RSPH9: variants seen among roughly 807,000 people sequenced by gnomAD.
The protein encoded by RSPH9 is radial spoke head component 9, also known as radial spoke head protein 9 homolog.
A neutral mutation model predicts 27.0 loss-of-function variants in RSPH9; 27 were observed. That is an observed-to-expected ratio of 1.00 (90% CI 0.74 to 1.38). The LOEUF is 1.38. Ranked by LOEUF, RSPH9 falls within the 40% of genes most tolerant of loss-of-function variation. The probability of loss-of-function intolerance (pLI) is 0.00; values close to 1 mark genes in which losing one functional copy is unlikely to be tolerated. For missense variants in RSPH9, 347 were observed against 357.4 expected (o/e 0.97, Z 0.24); for synonymous variants, 145 against 147.7 (o/e 0.98, Z 0.13).
At chr6:43,660,428 C>T (rs1162291233) in intron 4 of RSPH9, among the ~76,000 whole-genome samples, 1 of 151,922 alleles carries the variant, frequency 6.6e-6, no homozygotes, top group East Asian at 1.9e-4. Context: ...ACATTTTGAC[C>T]TCCTCCCATG....
chr6:43,660,833 C>G (rs6902166), intron 4 of RSPH9, among the ~76,000 whole-genome samples: 26,308 of 152,096 alleles, frequency 0.17, 5,134 homozygotes, highest in African/African-American at 0.49. Flanking sequence ...TTACTTTGCC[C>G]AGATCCATCA....
At chr6:43,656,516 A>G in intron 3 of RSPH9, 61 bp from the exon 4 acceptor site, 1 of 1,601,876 alleles carries the variant, frequency 6.2e-7, no homozygotes, top group Non-Finnish European at 8.6e-7. Context: ...CAGTGCAGAC[A>G]GAAAGGGGGC....
chr6:43,656,838 T>C, intron 4 of RSPH9, 115 bp downstream of exon 4: 2 of 1,226,074 alleles, frequency 1.6e-6, no homozygotes, highest in South Asian at 2.4e-5. Flanking sequence ...GAATTGGTGG[T>C]TCACCATGGG....
chr6:43,647,991 C>T lies in RSPH9; in HGVS notation c.228-2384C>T, dbSNP rs141393979. On this transcript the variant is annotated intron_variant, in intron 1 of 4. Coordinates refer to ENST00000372163, the MANE Select transcript of RSPH9 (RefSeq NM_152732.5). ...AGGGGATAGAGAATACAGGATGGGC[C>T]GGGCGCAGTGGCTCATGCCTGTAAT... 1.1e-3 allele frequency among the ~76,000 whole-genome samples: 171 copies of T among 152,216 alleles called. 1 individual carries two copies. The highest frequency in any genetic ancestry group is 1.9e-3 in the Non-Finnish European group (130 of 68,002).
intron 4 of RSPH9, among the ~76,000 whole-genome samples, chr6:43,661,918 C>T (rs1772673149): frequency 6.6e-6 from 1 of 152,150 alleles, no homozygotes; most frequent in African/African-American, 2.4e-5. Flanking sequence ...GACAGAGTCT[C>T]ACTCTGTTGC....
intron 3 of RSPH9, 22 bp downstream of exon 3, chr6:43,655,713 T>G (rs1322463459): frequency 9.9e-6 from 16 of 1,613,974 alleles, no homozygotes; most frequent in Non-Finnish European, 1.3e-5. Context: ...GGGGCCCCTC[T>G]CAAGGGCTGG....
chr6:43,668,562 G>GC (rs879272223), intron 4 of RSPH9, among the ~76,000 whole-genome samples: 4 of 152,148 alleles, frequency 2.6e-5, no homozygotes, highest in African/African-American at 9.7e-5. Flanking sequence ...CAAGAACACT[G>GC]CCCCCCGCCC....
chr6:43,650,584 G>A, intron 2 of RSPH9, 44 bp downstream of exon 2: 2 of 1,608,778 alleles, frequency 1.2e-6, no homozygotes, highest in Non-Finnish European at 8.5e-7. Flanking sequence ...AAGAGAGCCT[G>A]GGCTCATCCA....
chr6:43,652,370 C>G (rs539018784), intron 2 of RSPH9, among the ~76,000 whole-genome samples: 1 of 149,642 alleles, frequency 6.7e-6, no homozygotes, highest in Non-Finnish European at 1.5e-5. Flanking sequence ...TGCTTTTTTT[C>G]ACCTAATGAT....
chr6:43,660,039 CTTTTTTTTTT>C (rs1163299257), intron 4 of RSPH9, among the ~76,000 whole-genome samples: 1 of 109,318 alleles, frequency 9.1e-6, no homozygotes, highest in Non-Finnish European at 1.9e-5. Context: ...CCAGCCTGGC[CTTTTTTTTTT>C]TTTTTTTTTT....
Position 43,671,436 on chromosome 6 carries a change from G to A in RSPH9, c.*487G>A. 4.6e-6 allele frequency: 2 copies of A among 433,166 alleles called. No individual in the cohort carries two copies. Among genetic ancestry groups the A allele is most frequent in the South Asian group, 5.2e-5 (2 of 38,320 alleles). The allele number at this position is 433,166 out of a possible 1,614,324, so 26.8% of individuals were successfully genotyped here. A position where few individuals can be genotyped will look rare whatever the true frequency, so the allele number is the denominator to read the frequency against. ...GGACCCCCTGCACTTCCCAAGCAGT[G>A]AGCGCACACCCAATGGGTAAGCCCA... On this transcript the variant is annotated 3_prime_UTR_variant, in exon 5 of 5. Coordinates refer to ENST00000372163, the MANE Select transcript of RSPH9 (RefSeq NM_152732.5).
rs1210306927 is a variant in RSPH9, at chr6:43,670,995, T to A, written c.*46T>A. 7 of 1,611,680 alleles carry A rather than the reference T, an allele frequency of 4.3e-6. No individual in the cohort carries two copies. Among genetic ancestry groups the A allele is most frequent in the Non-Finnish European group, 5.9e-6 (7 of 1,178,822 alleles). On this transcript the variant is annotated 3_prime_UTR_variant, in exon 5 of 5. Transcript: ENST00000372163. Reference sequence around the variant, plus strand: ...TTTTTAAACAGAGTCTAAACATGATTTTCTTAAGCTTCAGTGAACTTGGCC... The same window carrying A: ...TTTTTAAACAGAGTCTAAACATGATATTCTTAAGCTTCAGTGAACTTGGCC...
rs773953326 is a variant in RSPH9 at position 43,650,396 on chromosome 6, C to A, written c.249C>A (p.Ser83Arg). The change falls in exon 2 of 5, where the codon AGC (serine) becomes AGA (arginine). Residue 83 changes from serine (S) to arginine (R), a missense_variant. Ser to Arg is a moderately radical substitution (Grantham distance 110). Coordinates refer to ENST00000372163, the MANE Select transcript of RSPH9 (RefSeq NM_152732.5). The stretch of plus-strand genomic sequence containing the variant: ...GCAGCCTGAACTGCACAGAGTGGAG[C>A]CTCTTGCCCCCTGCCACAGAGGAGA... ...TLYSLNCTEWSLLPPATEEMV... is the reference protein window; with the variant it reads ...TLYSLNCTEWRLLPPATEEMV... 9.3e-6 allele frequency: 15 copies of A among 1,613,450 alleles called. No homozygotes were observed. The Admixed American group carries it at 2.3e-4, about 25-fold the overall frequency.
Position 43,645,226 on chromosome 6 carries a change from G to C in RSPH9, c.128G>C (p.Arg43Pro). ...GTTAAGCGCGACTACCGCTATGATC[G>C]GGTTCTCTTCTGGGGCCGCATCCTT... Reference protein sequence around the residue: ...MLVKRDYRYDRVLFWGRILGL... With the variant: ...MLVKRDYRYDPVLFWGRILGL... Residue 43 changes from arginine (R) to proline (P), a missense_variant, in exon 1 of 5, where the codon CGG becomes CCG. Coordinates refer to ENST00000372163, the MANE Select transcript of RSPH9 (RefSeq NM_152732.5). 1 of 1,614,058 alleles carries C rather than the reference G, an allele frequency of 6.2e-7. No individual in the cohort carries two copies. Among genetic ancestry groups the C allele is most frequent in the Non-Finnish European group, 8.5e-7 (1 of 1,180,018 alleles).
At chr6:43,658,291 C>CAAA (rs58592648) in intron 4 of RSPH9, among the ~76,000 whole-genome samples, 4 of 24,838 alleles carry the variant, frequency 1.6e-4, no homozygotes, top group Non-Finnish European at 3.2e-4. Flanking sequence ...AACTCCGTCT[C>CAAA]AAAAAAAAAA....
intron 4 of RSPH9, among the ~76,000 whole-genome samples, chr6:43,664,300 A>G (rs923560148): frequency 2.0e-5 from 3 of 152,080 alleles, no homozygotes; most frequent in Non-Finnish European, 4.4e-5. Flanking sequence ...GCATGATCTC[A>G]GCTCACTGCA....
intron 4 of RSPH9, among the ~76,000 whole-genome samples, chr6:43,669,875 C>G (rs1372997542): frequency 6.6e-6 from 1 of 152,212 alleles, no homozygotes; most frequent in Non-Finnish European, 1.5e-5. Flanking sequence ...AAAACCAGGG[C>G]AGAACCTAGG....
Position 43,672,422 on chromosome 6 carries a change from G to A in RSPH9, c.*1473G>A, listed in dbSNP as rs752346385. 7 of 471,150 alleles carry A rather than the reference G, an allele frequency of 1.5e-5. No individual in the cohort carries two copies. The highest frequency in any genetic ancestry group is 2.6e-5 in the Non-Finnish European group (6 of 227,120). The allele number at this position is 471,150 out of a possible 1,614,324, so 29.2% of individuals were successfully genotyped here. ...AATCAAGGGGTAAGGGCCCGTGGGC[G>A]CAGCCCTAGCCTAGGAAGGTTCCTG... On this transcript the variant is annotated 3_prime_UTR_variant, in exon 5 of 5. Transcript: ENST00000372163.
At position 43,671,777 on chromosome 6, in the gene RSPH9, C is replaced by T; in HGVS notation, c.*828C>T. 1 of 1,614,220 alleles carries T rather than the reference C, an allele frequency of 6.2e-7. No individual in the cohort carries two copies. The highest frequency in any genetic ancestry group is 8.5e-7 in the Non-Finnish European group (1 of 1,180,048). On this transcript the variant is annotated 3_prime_UTR_variant, in exon 5 of 5. Coordinates refer to ENST00000372163, the MANE Select transcript of RSPH9 (RefSeq NM_152732.5). ...CTGCTCTCTGTCAGTGATACAGCTT[C>T]CAAGGTGTTCTTGAGTAGCAGACAT...
Sources: allele counts gnomAD v4.1 joint callset (sites outside exome capture counted in the v4.1 genomes callset), GRCh38; gene constraint gnomAD v4.1.1; transcripts MANE v1.5; gene names NCBI Gene and HGNC (gene_info 2026-07-23, HGNC 2026-07-21).